BICD1: variants seen among roughly 807,000 people sequenced by gnomAD.
BICD1 encodes the protein BICD cargo adaptor 1.
BICD1 carries 35 observed loss-of-function variants against 92.5 expected under a neutral mutation model. That is an observed-to-expected ratio of 0.38 (90% CI 0.29 to 0.50). The LOEUF (loss-of-function observed/expected upper bound fraction) is 0.50. Ranked by LOEUF, BICD1 falls within the 20% of genes least tolerant of loss-of-function variation. The pLI is 0.93. For synonymous variants in BICD1, 429 were observed against 465.1 expected, an observed-to-expected ratio of 0.92 and a Z score of 1.00; for missense variants, 950 against 1,189.8, an observed-to-expected ratio of 0.80 and a Z score of 2.97.
At position 32,143,786 on chromosome 12, in the gene BICD1, A is replaced by G. The variant is rs144319850; in HGVS notation, c.213+36242A>G. Among the ~76,000 whole-genome samples the G allele has an allele frequency of 1.9e-4, 29 of 152,362 alleles. No individual in the cohort carries two copies. The East Asian group carries it at 4.0e-3, about 21-fold the overall frequency. On this transcript the variant is annotated intron_variant, in intron 1 of 9. Transcript: ENST00000652176. Reference sequence around the variant, plus strand: ...CAGTGTATGAGAATTCTCTATTCTCACCATCATTGGATATTGTCAGATTTT... The same window carrying G: ...CAGTGTATGAGAATTCTCTATTCTCGCCATCATTGGATATTGTCAGATTTT...
At chr12:32,340,930 G>A (rs1044957070) in intron 8 of BICD1, among the ~76,000 whole-genome samples, 2 of 152,114 alleles carry the variant, frequency 1.3e-5, no homozygotes, top group Non-Finnish European at 2.9e-5. Context: ...TCAGTTAAAA[G>A]TTGAACATCC....
intron 1 of BICD1, among the ~76,000 whole-genome samples, chr12:32,143,456 T>A (rs906824856): frequency 2.0e-5 from 3 of 148,492 alleles, no homozygotes; most frequent in Non-Finnish European, 4.5e-5. Flanking sequence ...TCATTTAACA[T>A]TTTTTTTTGT....
At chr12:32,139,398 T>C (rs1391863256) in intron 1 of BICD1, among the ~76,000 whole-genome samples, 1 of 152,186 alleles carries the variant, frequency 6.6e-6, no homozygotes, top group Non-Finnish European at 1.5e-5. Flanking sequence ...GATGAAAAAG[T>C]CAAAAGCCCT....
At chr12:32,329,593 G>A (rs538679513) in intron 5 of BICD1, among the ~76,000 whole-genome samples, 11 of 152,312 alleles carry the variant, frequency 7.2e-5, no homozygotes, top group African/African-American at 2.4e-4. Context: ...AAATAATAGA[G>A]AGTGTGTGTG....
In BICD1 at chr12:32,171,810, T is replaced by C. The variant is rs188504628; in HGVS notation, c.214-44437T>C. Among the ~76,000 whole-genome samples the C allele has an allele frequency of 2.3e-3, 351 of 152,068 alleles. 1 individual carries two copies. Among genetic ancestry groups the C allele is most frequent in the African/African-American group, 8.0e-3 (332 of 41,482 alleles). ...TTAGCTGGGCATGGTGGCGTGCACC[T>C]GTAGTCCCAGCTACTTGGGAGGCTG... is the stretch of plus-strand genomic sequence containing the variant. On this transcript the variant is annotated intron_variant, in intron 1 of 9. Coordinates refer to ENST00000652176, the MANE Select transcript of BICD1 (RefSeq NM_001714.4).
rs1360842356 is a variant in BICD1, at chr12:32,216,318, G to T, written c.285G>T (p.Leu95=). 3.1e-6 allele frequency: 5 copies of T among 1,614,202 alleles called. No individual in the cohort carries two copies. In the East Asian group the frequency reaches 1.1e-4, roughly 36 times the overall value. ...GAGAGACTCGGGAGGAAACGCTTCT[G>T]CAGGAGTCAGCATCGAAGGAGGCTT... The part of the protein sequence containing the change: ...EDGETREETL[L]QESASKEAYY... Residue 95 remains leucine (L), a synonymous_variant, in exon 2 of 10, where the codon CTG becomes CTT. Coordinates refer to ENST00000652176, the MANE Select transcript of BICD1 (RefSeq NM_001714.4).
chr12:32,303,958 C>T (rs959283423), intron 3 of BICD1, among the ~76,000 whole-genome samples: 1 of 152,054 alleles, frequency 6.6e-6, no homozygotes, highest in Non-Finnish European at 1.5e-5. Context: ...ACTTGTAGTC[C>T]CAGCTACTCA....
At chr12:32,263,005 G>A (rs571147008) in intron 2 of BICD1, among the ~76,000 whole-genome samples, 2 of 152,142 alleles carry the variant, frequency 1.3e-5, no homozygotes, top group African/African-American at 4.8e-5. Context: ...TTAGCCAGGT[G>A]TGGTGGTGCA....
intron 2 of BICD1, among the ~76,000 whole-genome samples, chr12:32,284,934 A>G (rs1230035495): frequency 6.6e-6 from 1 of 152,216 alleles, no homozygotes; most frequent in Non-Finnish European, 1.5e-5. Flanking sequence ...ACTTAGGCAT[A>G]TGTGGAAAAT....
intron 2 of BICD1, among the ~76,000 whole-genome samples, chr12:32,260,286 C>T (rs1280661108): frequency 1.3e-5 from 2 of 152,150 alleles, no homozygotes; most frequent in Non-Finnish European, 2.9e-5. Context: ...TGACATTTAA[C>T]AAAGATGCAG....
chr12:32,230,113 A>C (rs943748851), intron 2 of BICD1, among the ~76,000 whole-genome samples: 1 of 152,174 alleles, frequency 6.6e-6, no homozygotes. Context: ...CAAGGTCAGC[A>C]GCTGAGAGGG....
rs148111465 is a variant in BICD1 at position 32,368,598 on chromosome 12, G to C, written c.2840+853G>C. 1.2e-3 allele frequency among the ~76,000 whole-genome samples: 186 copies of C among 152,298 alleles called. 1 individual carries two copies. Among genetic ancestry groups the C allele is most frequent in the Non-Finnish European group, 2.2e-3 (153 of 68,034 alleles). On this transcript the variant is annotated intron_variant, in intron 9 of 9. Coordinates refer to ENST00000652176, the MANE Select transcript of BICD1 (RefSeq NM_001714.4). ...TAATCCCACCTACTCAGGAGGCTGAGGCAGGAGAATCACTTGAACCCAGGA... is the reference window on the plus strand; with the variant it reads ...TAATCCCACCTACTCAGGAGGCTGACGCAGGAGAATCACTTGAACCCAGGA...
At chr12:32,131,022 A>AG (rs931693839) in intron 1 of BICD1, among the ~76,000 whole-genome samples, 1 of 151,968 alleles carries the variant, frequency 6.6e-6, no homozygotes, top group African/African-American at 2.4e-5. Flanking sequence ...TTTAGTAGAG[A>AG]CGGGGTTTCG....
chr12:32,252,152 C>CT (rs1946578819), intron 2 of BICD1, among the ~76,000 whole-genome samples: 2 of 30,368 alleles, frequency 6.6e-5, no homozygotes, highest in East Asian at 1.2e-3. Flanking sequence ...TTATATATTA[C>CT]ATATTATATA....
rs1020301425 is a variant in BICD1 at position 32,220,329 on chromosome 12, T to G, written c.426+3870T>G. 7.8e-3 allele frequency among the ~76,000 whole-genome samples: 1,192 copies of G among 152,226 alleles called. 14 individuals are homozygous for G. The highest frequency in any genetic ancestry group is 0.027 in the African/African-American group (1,124 of 41,536). On this transcript the variant is annotated intron_variant, in intron 2 of 9. Coordinates refer to ENST00000652176, the MANE Select transcript of BICD1 (RefSeq NM_001714.4). Reference sequence around the variant, plus strand: ...GCAATCTACAAAATGGGAGAAAATTTTCGCAACCTACTCATCTGACAAAGG... The same window carrying G: ...GCAATCTACAAAATGGGAGAAAATTGTCGCAACCTACTCATCTGACAAAGG...
At chr12:32,147,380 G>A (rs188232840) in intron 1 of BICD1, among the ~76,000 whole-genome samples, 1 of 152,296 alleles carries the variant, frequency 6.6e-6, no homozygotes, top group Admixed American at 6.5e-5. Context: ...TCACTGAAAG[G>A]TCGTTCAGGT....
intron 1 of BICD1, among the ~76,000 whole-genome samples, chr12:32,160,939 A>C (rs546522696): frequency 1.3e-5 from 2 of 152,340 alleles, no homozygotes; most frequent in South Asian, 4.1e-4. Flanking sequence ...TAACCTTGTA[A>C]ATATCTAACT....
At chr12:32,310,916 C>A (rs1019130668) in intron 4 of BICD1, among the ~76,000 whole-genome samples, 2 of 152,102 alleles carry the variant, frequency 1.3e-5, no homozygotes, top group Non-Finnish European at 2.9e-5. Context: ...TCCATATACC[C>A]TTTCGGCCTT....
chr12:32,295,332 T>C (rs1947838387), intron 3 of BICD1, among the ~76,000 whole-genome samples: 1 of 152,144 alleles, frequency 6.6e-6, no homozygotes, highest in Admixed American at 6.5e-5. Context: ...GAATTGGATG[T>C]TCGAGTTCTT....
Sources: gnomAD v4.1 joint callset for allele counts (sites outside exome capture counted in the v4.1 genomes callset) on GRCh38, gnomAD v4.1.1 for gene constraint, MANE v1.5 for transcripts, NCBI Gene and HGNC (gene_info 2026-07-23, HGNC 2026-07-21) for gene names.